Variants in PSMC1 observed in about 807,000 individuals in gnomAD.
PSMC1 encodes 26S proteasome regulatory subunit 4.
In PSMC1, 5 loss-of-function variants were observed where a neutral mutation model predicts 49.8. The ratio of observed to expected loss-of-function variants is 0.10; its 90% CI spans 0.05 to 0.21. The LOEUF is 0.21. Ranked by LOEUF, PSMC1 falls within the 10% of genes least tolerant of loss-of-function variation. The probability of loss-of-function intolerance (pLI) is 1.00; values close to 1 mark genes in which losing one functional copy is unlikely to be tolerated. For missense variants in PSMC1, 181 were observed against 535.7 expected (o/e 0.34, Z 6.54); for synonymous variants, 155 against 192.1 (o/e 0.81, Z 1.60).
intron 7 of PSMC1, chr14:90,267,950 A>T: frequency 3.1e-6 from 1 of 323,154 alleles, no homozygotes. Context: ...AACTGGGTCA[A>T]GGTTGGAAAA....
intron 7 of PSMC1, among the ~76,000 whole-genome samples, 177 bp downstream of exon 7, chr14:90,265,343 G>GAA (rs34260220): frequency 3.2e-5 from 4 of 126,880 alleles, no homozygotes; most frequent in African/African-American, 5.7e-5. Flanking sequence ...AATACTGATG[G>GAA]AAAAAAAAAA....
At chr14:90,256,648 G>T in intron 1 of PSMC1, 48 bp downstream of exon 1, 2 of 1,574,410 alleles carry the variant, frequency 1.3e-6, no homozygotes, top group South Asian at 1.2e-5. Flanking sequence ...GTGCGATGGG[G>T]TCTCAGCAGC....
chr14:90,265,752 A>G (rs1891496812), intron 7 of PSMC1, among the ~76,000 whole-genome samples: 1 of 151,390 alleles, frequency 6.6e-6, no homozygotes, highest in African/African-American at 2.4e-5. Flanking sequence ...CCAGCTATCC[A>G]AGAGGCTGAG....
intron 9 of PSMC1, chr14:90,269,760 T>G (rs970967658): frequency 6.5e-6 from 3 of 464,358 alleles, no homozygotes; most frequent in African/African-American, 4.0e-5. Context: ...TCCAGTCTTA[T>G]GTCTTGTCTT....
intron 6 of PSMC1, among the ~76,000 whole-genome samples, 170 bp from the exon 7 acceptor site, chr14:90,264,900 T>C (rs1891474375): frequency 6.6e-6 from 1 of 152,150 alleles, no homozygotes; most frequent in South Asian, 2.1e-4. Flanking sequence ...GCAGGACAGG[T>C]GTCATCTTCA....
At chr14:90,257,194 C>T (rs1206400076) in intron 1 of PSMC1, among the ~76,000 whole-genome samples, 1 of 130,598 alleles carries the variant, frequency 7.7e-6, no homozygotes, top group Non-Finnish European at 1.7e-5. Flanking sequence ...CAAGTATTTA[C>T]TGAGCACTTG....
rs547859827 is a variant in PSMC1, at chr14:90,260,666, AG to A, written c.154+456del. 3.1e-3 allele frequency among the ~76,000 whole-genome samples: 469 copies of A among 152,256 alleles called. 3 individuals carry two copies. Among genetic ancestry groups the A allele is most frequent in the African/African-American group, 0.011 (456 of 41,528 alleles). ...AGAATGGCATGAACCCGGGAGGCGGAGCTTGCAGTGAGCTGAGATTGCACCA... is the reference window on the plus strand; with the variant it reads ...AGAATGGCATGAACCCGGGAGGCGGACTTGCAGTGAGCTGAGATTGCACCA... On this transcript the variant is annotated intron_variant, in intron 3 of 10. Transcript: ENST00000261303.
rs1891759872 is a variant in PSMC1 at position 90,274,803 on chromosome 14, C to T, written c.*2396C>T. On this transcript the variant is annotated 3_prime_UTR_variant, in exon 11 of 11. Transcript: ENST00000261303. ...ATAGGGAACTACACACACACACACA[C>T]ACACACACACACACACACACACACA... 1.5e-5 allele frequency: 1 copy of T among 66,414 alleles called. No individual in the cohort carries two copies. The highest frequency in any genetic ancestry group is 7.2e-5 in the African/African-American group (1 of 13,974). 4.1% of individuals were successfully genotyped at this position (66,414 alleles called of 1,614,324 possible).
Position 90,272,395 on chromosome 14 carries a change from G to C in PSMC1, c.1311G>C (p.Gly437=), listed in dbSNP as rs750527128. The change falls in exon 11 of 11, where the codon GGG becomes GGC. Residue 437 remains glycine (G), a synonymous_variant. Transcript: ENST00000261303. The surrounding 1 kb of genome is among the most constrained non-coding windows in gnomAD (Gnocchi z 4.5). ...AGAAACAGGAAGGCACCCCTGAGGG[G>C]CTGTATCTCTAATGAACCATGGCTG... is the stretch of plus-strand genomic sequence containing the variant. The part of the protein sequence containing the change: ...LYKKQEGTPE[G]LYL 8.3e-6 allele frequency: 13 copies of C among 1,557,830 alleles called. No individual in the cohort carries two copies. Among genetic ancestry groups the C allele is most frequent in the Non-Finnish European group, 8.7e-7 (1 of 1,149,120 alleles).
chr14:90,265,487 G>A (rs1433157698), intron 7 of PSMC1, among the ~76,000 whole-genome samples: 7 of 151,908 alleles, frequency 4.6e-5, no homozygotes, highest in African/African-American at 1.5e-4. Flanking sequence ...TCAGGAGTTC[G>A]AGACCAGCCT....
At chr14:90,270,060 T>C in intron 9 of PSMC1, 138 bp from the exon 10 acceptor site, 1 of 878,988 alleles carries the variant, frequency 1.1e-6, no homozygotes, top group Non-Finnish European at 1.7e-6. Context: ...ATGTTTACTT[T>C]TTAAAATTTA....
intron 1 of PSMC1, among the ~76,000 whole-genome samples, chr14:90,258,228 A>G (rs138314359): frequency 6.6e-6 from 1 of 152,340 alleles, no homozygotes; most frequent in African/African-American, 2.4e-5. Flanking sequence ...TGATGGTACC[A>G]GTGTCATCGT....
chr14:90,270,117 G>T, intron 9 of PSMC1, 81 bp from the exon 10 acceptor site: 1 of 1,447,548 alleles, frequency 6.9e-7, no homozygotes, highest in Non-Finnish European at 9.4e-7. Flanking sequence ...TCGTATGTAA[G>T]GAGATGGGCT....
chr14:90,264,129 C>G lies in PSMC1; in HGVS notation c.554C>G (p.Ala185Gly). ...GAAAAGGCCCCCCAGGAGACCTATG[C>G]AGATATTGGGGGGTTGGACAACCAA... ...KVEKAPQETY[A>G]DIGGLDNQIQ... The change falls in exon 6 of 11, where the codon GCA (alanine) becomes GGA (glycine). Residue 185 changes from alanine to glycine, a missense_variant. Coordinates refer to ENST00000261303, the MANE Select transcript of PSMC1 (RefSeq NM_002802.3). 6.2e-7 allele frequency: 1 copy of G among 1,612,850 alleles called. No homozygotes were observed. Among genetic ancestry groups the G allele is most frequent in the Admixed American group, 1.7e-5 (1 of 59,380 alleles).
rs1891700087 is a variant in PSMC1, at chr14:90,272,645, C to CCA, written c.*246_*247dup. 1 of 381,010 alleles carries CCA rather than the reference C, an allele frequency of 2.6e-6. No individual in the cohort carries two copies. The highest frequency in any genetic ancestry group is 5.0e-6 in the Non-Finnish European group (1 of 201,440). The allele number at this position is 381,010 out of a possible 1,614,324, so 23.6% of individuals were successfully genotyped here. A position where few individuals can be genotyped will look rare whatever the true frequency, so the allele number is the denominator to read the frequency against. On this transcript the variant is annotated 3_prime_UTR_variant, in exon 11 of 11. Transcript: ENST00000261303. The surrounding 1 kb of genome is among the most constrained non-coding windows in gnomAD (Gnocchi z 4.5). Reference sequence around the variant, plus strand: ...CAAACACTTCCTGTTTCTGCAGTCTCCACACACACCTACCGCTCAACAGCA... The same window carrying CCA: ...CAAACACTTCCTGTTTCTGCAGTCTCCACACACACACCTACCGCTCAACAGCA...
chr14:90,265,058 T>C lies in PSMC1; in HGVS notation c.595-12T>C. The C allele has an allele frequency of 6.3e-7, 1 of 1,583,976 alleles. No homozygotes were observed. The highest frequency in any genetic ancestry group is 8.7e-7 in the Non-Finnish European group (1 of 1,154,338). On this transcript the variant is annotated splice_polypyrimidine_tract_variant and intron_variant, in intron 6 of 10. Coordinates refer to ENST00000261303, the MANE Select transcript of PSMC1 (RefSeq NM_002802.3). ...TTTCAGTAAAGCCTTTCATTCATAC[T>C]GTTTTTCATAGGAATCTGTGGAGCT...
intron 2 of PSMC1, among the ~76,000 whole-genome samples, 167 bp from the exon 3 acceptor site, chr14:90,259,948 A>G (rs576957596): frequency 1.5e-4 from 23 of 152,270 alleles, no homozygotes; most frequent in Non-Finnish European, 2.8e-4. Context: ...AATCATATTT[A>G]CTTATTAAAA....
Position 90,273,272 on chromosome 14 carries a change from C to T in PSMC1, c.*865C>T, listed in dbSNP as rs572262294. The T allele has an allele frequency of 2.0e-5, 3 of 152,182 alleles. No homozygotes were observed. Among genetic ancestry groups the T allele is most frequent in the South Asian group, 4.2e-4 (2 of 4,816 alleles). The allele number at this position is 152,182 out of a possible 1,614,324, so 9.4% of individuals were successfully genotyped here. The stretch of plus-strand genomic sequence containing the variant: ...CCACAGGCTTTGTTTAAAAACAGCA[C>T]AATTTGGCCAGGCACGGTGGCTCAC... On this transcript the variant is annotated 3_prime_UTR_variant, in exon 11 of 11. Transcript: ENST00000261303.
At chr14:90,261,813 A>G (rs920788538) in intron 3 of PSMC1, among the ~76,000 whole-genome samples, 1 of 150,616 alleles carries the variant, frequency 6.6e-6, no homozygotes, top group African/African-American at 2.4e-5. Context: ...TATATACCCA[A>G]AGGAATATAA....
Sources: gnomAD v4.1 joint callset for allele counts (sites outside exome capture counted in the v4.1 genomes callset) on GRCh38, gnomAD v4.1.1 for gene constraint, Gnocchi (gnomAD v3.1) non-coding constraint, MANE v1.5 for transcripts, NCBI Gene and HGNC (gene_info 2026-07-23, HGNC 2026-07-21) for gene names.